NLK: variants seen among roughly 807,000 people sequenced by gnomAD.
The protein encoded by NLK is serine/threonine-protein kinase NLK.
A neutral mutation model predicts 59.0 loss-of-function variants in NLK; 11 were observed. That is an observed-to-expected ratio of 0.19 (90% confidence interval 0.12 to 0.31). The LOEUF (loss-of-function observed/expected upper bound fraction) is 0.31. NLK is among the 10% of genes least tolerant of loss of function. The pLI is 1.00. For synonymous variants in NLK, 235 were observed against 235.9 expected (o/e 1.00, Z 0.03); for missense variants, 410 against 661.1 (o/e 0.62, Z 4.16).
intron 1 of NLK, among the ~76,000 whole-genome samples, chr17:28,086,555 T>C (rs912330452): frequency 6.6e-6 from 1 of 152,216 alleles, no homozygotes; most frequent in Non-Finnish European, 1.5e-5. Context: ...TGTTTTGTTA[T>C]TTTTTAGCAA....
Position 28,195,776 on chromosome 17 carries a change from G to A in NLK, c.*1140G>A, listed in dbSNP as rs1485810434. On this transcript the variant is annotated 3_prime_UTR_variant, in exon 11 of 11. Transcript: ENST00000407008. ...TCTACCTCCTGGAGTTATACAACTT[G>A]GCTTGTTTACCTCCACATGCTGATG... The A allele has an allele frequency of 2.0e-5, 3 of 152,038 alleles. No individual in the cohort carries two copies. Among genetic ancestry groups the A allele is most frequent in the Non-Finnish European group, 4.4e-5 (3 of 67,956 alleles). 9.4% of individuals were successfully genotyped at this position (152,038 alleles called of 1,614,324 possible).
intron 1 of NLK, among the ~76,000 whole-genome samples, chr17:28,050,099 T>C (rs1198639973): frequency 6.6e-6 from 1 of 152,190 alleles, no homozygotes; most frequent in African/African-American, 2.4e-5. Context: ...CTGGGTGAAA[T>C]AGATTTGTAA....
chr17:28,091,353 A>G (rs1037205986), intron 1 of NLK, among the ~76,000 whole-genome samples: 11 of 152,244 alleles, frequency 7.2e-5, no homozygotes, highest in African/African-American at 2.2e-4. Context: ...ATGCATCTGT[A>G]GTAGCATTAT....
At chr17:28,130,900 A>G (rs569588323) in intron 2 of NLK, among the ~76,000 whole-genome samples, 93 of 152,290 alleles carry the variant, frequency 6.1e-4, no homozygotes, top group Non-Finnish European at 1.2e-3. Flanking sequence ...TATAGAAATG[A>G]AATAATGCAT....
At chr17:28,060,137 G>A (rs935622208) in intron 1 of NLK, among the ~76,000 whole-genome samples, 1 of 152,040 alleles carries the variant, frequency 6.6e-6, no homozygotes, top group Non-Finnish European at 1.5e-5. Flanking sequence ...GCAAGCAGTG[G>A]GGAAGAATAA....
the NLK span, among the ~76,000 whole-genome samples, chr17:28,204,727 G>A: frequency 6.6e-6 from 1 of 152,196 alleles, no homozygotes; most frequent in Admixed American, 6.5e-5. Context: ...GCTAGAAAGT[G>A]GTAAGTCCTA....
At chr17:28,106,886 A>T (rs1905165368) in intron 1 of NLK, among the ~76,000 whole-genome samples, 1 of 152,252 alleles carries the variant, frequency 6.6e-6, no homozygotes, top group Non-Finnish European at 1.5e-5. Flanking sequence ...TTCAACAAGA[A>T]AAAATAGAGC....
chr17:28,155,275 AAAC>A (rs1486519261), intron 3 of NLK, among the ~76,000 whole-genome samples: 1 of 152,162 alleles, frequency 6.6e-6, no homozygotes, highest in Non-Finnish European at 1.5e-5. Context: ...AAAAGTCAGG[AAAC>A]AACAAATGCT....
At chr17:28,076,529 G>A (rs1910163240) in intron 1 of NLK, among the ~76,000 whole-genome samples, 1 of 152,008 alleles carries the variant, frequency 6.6e-6, no homozygotes, top group Non-Finnish European at 1.5e-5. Context: ...AATTTTCAGG[G>A]GACTCACACA....
chr17:28,077,425 A>G (rs546295859), intron 1 of NLK, among the ~76,000 whole-genome samples: 109 of 152,128 alleles, frequency 7.2e-4, no homozygotes, highest in African/African-American at 2.5e-3. Context: ...AACTGCCCTC[A>G]TGATTCAAAT....
chr17:28,199,063 T>C (rs1486530682), downstream of NLK, among the ~76,000 whole-genome samples: 1 of 152,230 alleles, frequency 6.6e-6, no homozygotes, highest in Non-Finnish European at 1.5e-5. Context: ...GTTTTGCCCA[T>C]GTGGTTTGCC....
chr17:28,053,973 C>T (rs1909352376), intron 1 of NLK, among the ~76,000 whole-genome samples: 1 of 152,152 alleles, frequency 6.6e-6, no homozygotes, highest in Admixed American at 6.5e-5. Flanking sequence ...AACATGCAGC[C>T]TGGTGCAGAG....
chr17:28,149,692 G>A (rs2142037456), intron 3 of NLK, among the ~76,000 whole-genome samples: 1 of 152,236 alleles, frequency 6.6e-6, no homozygotes, highest in South Asian at 2.1e-4. Flanking sequence ...GAGATGAATA[G>A]CCATAACAGT....
chr17:28,155,915 T>TA (rs1907689861), intron 3 of NLK, among the ~76,000 whole-genome samples: 1 of 152,176 alleles, frequency 6.6e-6, no homozygotes, highest in South Asian at 2.1e-4. Context: ...CCCTAGAACT[T>TA]AAAGTATTAA....
rs189847534 is a variant in NLK at position 28,171,882 on chromosome 17, T to G, written c.1048-635T>G. ...CTATAGCCTTAGAATGTCATGCTTA[T>G]CAAAACATATTTTCTATATTTCTAT... is the stretch of plus-strand genomic sequence containing the variant. On this transcript the variant is annotated intron_variant, in intron 6 of 10. Coordinates refer to ENST00000407008, the MANE Select transcript of NLK (RefSeq NM_016231.5). Among the ~76,000 whole-genome samples the G allele has an allele frequency of 9.1e-4, 138 of 152,230 alleles. 1 individual carries two copies. Among genetic ancestry groups the G allele is most frequent in the African/African-American group, 3.2e-3 (133 of 41,558 alleles).
rs115540136 is a variant in NLK at position 28,132,186 on chromosome 17, C to T, written c.589-434C>T. 3.4e-3 allele frequency among the ~76,000 whole-genome samples: 519 copies of T among 152,236 alleles called. 7 individuals carry two copies. The highest frequency in any genetic ancestry group is 0.012 in the African/African-American group (499 of 41,542). On this transcript the variant is annotated intron_variant, in intron 2 of 10. Transcript: ENST00000407008. The stretch of plus-strand genomic sequence containing the variant: ...CTTACCTCTTCTGTAGTCATGAGAG[C>T]AGGGATGATGCCTATTTTGTTCAAC...
At chr17:28,160,624 A>C (rs7342936) in intron 3 of NLK, among the ~76,000 whole-genome samples, 1 of 152,198 alleles carries the variant, frequency 6.6e-6, no homozygotes, top group Non-Finnish European at 1.5e-5. Context: ...AAATATATAC[A>C]AAGTTAAATA....
chr17:28,066,220 C>T (rs1176992606), intron 1 of NLK, among the ~76,000 whole-genome samples: 1 of 152,220 alleles, frequency 6.6e-6, no homozygotes, highest in Non-Finnish European at 1.5e-5. Context: ...CTCTAGATTA[C>T]CAGTCTAACC....
chr17:28,058,132 G>T (rs1909505074), intron 1 of NLK, among the ~76,000 whole-genome samples: 1 of 152,172 alleles, frequency 6.6e-6, no homozygotes, highest in South Asian at 2.1e-4. Context: ...CTAGAATGAG[G>T]TAGCTGGAGT....
Sources: allele counts gnomAD v4.1 joint callset (sites outside exome capture counted in the v4.1 genomes callset), GRCh38; gene constraint gnomAD v4.1.1; transcripts MANE v1.5; gene names NCBI Gene and HGNC (gene_info 2026-07-23, HGNC 2026-07-21).